Variants in FOXP1 observed in about 807,000 individuals in gnomAD.
FOXP1 encodes the protein forkhead box protein P1.
A neutral mutation model predicts 98.2 loss-of-function variants in FOXP1; 15 were observed. The ratio of observed to expected loss-of-function variants is 0.15; its 90% CI spans 0.10 to 0.24. The LOEUF is 0.24. Ranked by LOEUF, FOXP1 falls within the 10% of genes least tolerant of loss-of-function variation. FOXP1 has a pLI of 1.00. For synonymous variants in FOXP1, 371 were observed against 314.5 expected (o/e 1.18, Z -1.90); for missense variants, 633 against 848.5 (o/e 0.75, Z 3.15).
At position 71,041,474 on chromosome 3, in the gene FOXP1, T is replaced by G; in HGVS notation, c.723A>C (p.Ala241=). 5 of 1,613,944 alleles carry G rather than the reference T, an allele frequency of 3.1e-6. No individual in the cohort carries two copies. Among genetic ancestry groups the G allele is most frequent in the Non-Finnish European group, 4.2e-6 (5 of 1,179,850 alleles). ...LWKEVTSAHT[A]EETTGNNHSS... Reference sequence around the variant, plus strand: ...TGTGATTGTTGCCTGTGGTTTCTTCTGCAGTATGAGCACTTGTCACTTCTT... The same window carrying G: ...TGTGATTGTTGCCTGTGGTTTCTTCGGCAGTATGAGCACTTGTCACTTCTT... Residue 241 remains alanine, a synonymous_variant, in exon 11 of 21, where the codon GCA becomes GCC. Coordinates refer to ENST00000649528, the MANE Select transcript of FOXP1 (RefSeq NM_001349338.3).
intron 4 of FOXP1, chr3:71,332,971 G>A (rs2107734380): frequency 6.6e-6 from 1 of 152,384 alleles, no homozygotes; most frequent in South Asian, 2.1e-4. Context: ...GCTGAACTTA[G>A]GGCTGTGGGG....
At chr3:71,023,609 A>G (rs1002159755) in intron 11 of FOXP1, among the ~76,000 whole-genome samples, 9 of 152,156 alleles carry the variant, frequency 5.9e-5, no homozygotes, top group African/African-American at 2.2e-4. Context: ...TTCACTTTTT[A>G]GTTCTTATCA....
chr3:71,556,576 C>CAAA lies in FOXP1; in HGVS notation c.-298+24970_-298+24972dup, dbSNP rs757217111. 9.1e-4 allele frequency among the ~76,000 whole-genome samples: 27 copies of CAAA among 29,776 alleles called. 1 individual carries two copies. The highest frequency in any genetic ancestry group is 1.2e-3 in the Non-Finnish European group (20 of 16,188). The allele number at this position is 29,776 out of a possible 152,430, so 19.5% of individuals were successfully genotyped here. Reference sequence around the variant, plus strand: ...TGGGCGACAGAGCGAGACTCCGTCTCAAAAAAAAAAAAAAAAAAAAAAAAA... The same window carrying CAAA: ...TGGGCGACAGAGCGAGACTCCGTCTCAAAAAAAAAAAAAAAAAAAAAAAAAAAA... On this transcript the variant is annotated intron_variant, in intron 2 of 20. Coordinates refer to ENST00000649528, the MANE Select transcript of FOXP1 (RefSeq NM_001349338.3).
At chr3:71,274,428 T>G (rs1165244432) in intron 5 of FOXP1, among the ~76,000 whole-genome samples, 6 of 152,008 alleles carry the variant, frequency 3.9e-5, no homozygotes, top group Non-Finnish European at 1.5e-5. Context: ...GTGACAAGGA[T>G]GGAGTTGCTG....
intron 5 of FOXP1, among the ~76,000 whole-genome samples, chr3:71,232,808 A>C (rs547953285): frequency 2.5e-4 from 36 of 142,396 alleles, no homozygotes; most frequent in Admixed American, 5.2e-4. Context: ...TGAAGAGGGA[A>C]GATCTCTTGA....
chr3:71,063,407 T>C (rs2051819959), intron 7 of FOXP1, among the ~76,000 whole-genome samples: 1 of 152,266 alleles, frequency 6.6e-6, no homozygotes, highest in South Asian at 2.1e-4. Flanking sequence ...AGAATCTTAA[T>C]GTGATCATGT....
chr3:71,001,453 G>A (rs943947599), intron 12 of FOXP1, among the ~76,000 whole-genome samples: 1 of 152,144 alleles, frequency 6.6e-6, no homozygotes, highest in Non-Finnish European at 1.5e-5. Flanking sequence ...CAGGAAAACT[G>A]ACTTCATATA....
chr3:71,543,235 A>G (rs2045028122), intron 2 of FOXP1, among the ~76,000 whole-genome samples: 1 of 152,230 alleles, frequency 6.6e-6, no homozygotes, highest in Admixed American at 6.5e-5. Flanking sequence ...AAGGGAATAA[A>G]TTGCATCATT....
chr3:71,327,751 T>C (rs1576990955), intron 4 of FOXP1, among the ~76,000 whole-genome samples: 2 of 152,170 alleles, frequency 1.3e-5, no homozygotes, highest in Admixed American at 6.5e-5. Flanking sequence ...TTCTATCACA[T>C]ATAAGTGTGT....
chr3:71,193,641 G>A (rs2063133707), intron 6 of FOXP1, among the ~76,000 whole-genome samples: 2 of 151,898 alleles, frequency 1.3e-5, no homozygotes, highest in South Asian at 4.2e-4. Context: ...TAGAGATGGG[G>A]TTTTGCCATG....
chr3:71,580,931 G>A, intron 2 of FOXP1: 1 of 985,358 alleles, frequency 1.0e-6, no homozygotes, highest in Non-Finnish European at 1.2e-6. Flanking sequence ...ATGCTAACTT[G>A]GAAAATACCT....
At chr3:71,123,532 A>C (rs2058937221) in intron 6 of FOXP1, among the ~76,000 whole-genome samples, 1 of 152,190 alleles carries the variant, frequency 6.6e-6, no homozygotes, top group African/African-American at 2.4e-5. Context: ...TCATAAAGCA[A>C]ATAATAGAAA....
At chr3:71,005,866 G>A (rs1308754867) in intron 12 of FOXP1, among the ~76,000 whole-genome samples, 1 of 152,032 alleles carries the variant, frequency 6.6e-6, no homozygotes, top group Non-Finnish European at 1.5e-5. Context: ...ATAAATACAG[G>A]TCACAAAAAT....
intron 2 of FOXP1, among the ~76,000 whole-genome samples, chr3:71,550,633 T>C (rs750593123): frequency 2.7e-4 from 41 of 152,044 alleles, no homozygotes; most frequent in African/African-American, 8.5e-4. Flanking sequence ...AAGAAGAAAA[T>C]AGATTATGTT....
At chr3:71,161,032 T>C (rs910766885) in intron 6 of FOXP1, among the ~76,000 whole-genome samples, 2 of 152,162 alleles carry the variant, frequency 1.3e-5, no homozygotes, top group East Asian at 1.9e-4. Context: ...GAGTAAGATA[T>C]AGCATAAGCA....
chr3:71,532,529 G>A (rs1323862323), intron 2 of FOXP1, among the ~76,000 whole-genome samples: 2 of 152,154 alleles, frequency 1.3e-5, no homozygotes, highest in Non-Finnish European at 2.9e-5. Context: ...GGTCCTAGTG[G>A]AATGATTTTT....
At chr3:71,208,163 G>C (rs998548411) in intron 5 of FOXP1, among the ~76,000 whole-genome samples, 18 of 152,132 alleles carry the variant, frequency 1.2e-4, no homozygotes, top group Non-Finnish European at 2.6e-4. Flanking sequence ...AGGACAACAC[G>C]CAAGATAGAC....
chr3:71,174,819 C>CACACAT (rs1553767980), intron 6 of FOXP1, among the ~76,000 whole-genome samples: 101 of 151,184 alleles, frequency 6.7e-4, no homozygotes, highest in African/African-American at 2.5e-3. Flanking sequence ...CACACACACA[C>CACACAT]ACACACACCC....
At chr3:71,136,832 T>C (rs937005826) in intron 6 of FOXP1, among the ~76,000 whole-genome samples, 1 of 150,300 alleles carries the variant, frequency 6.7e-6, no homozygotes, top group Non-Finnish European at 1.5e-5. Context: ...AAAAAAAAGA[T>C]TACTGGTGGA....
Sources: gnomAD v4.1 joint callset for allele counts (sites outside exome capture counted in the v4.1 genomes callset) on GRCh38, gnomAD v4.1.1 for gene constraint, MANE v1.5 for transcripts, NCBI Gene and HGNC (gene_info 2026-07-23, HGNC 2026-07-21) for gene names.